RTN4RL1: variants seen among roughly 807,000 people sequenced by gnomAD.
RTN4RL1 encodes reticulon-4 receptor-like 1.
In RTN4RL1, 7 loss-of-function variants were observed where a neutral mutation model predicts 25.6. The ratio of observed to expected loss-of-function variants is 0.27; its 90% CI spans 0.16 to 0.51. The LOEUF (loss-of-function observed/expected upper bound fraction) is 0.51, where lower values mean the gene tolerates loss of function less well. Ranked by LOEUF, RTN4RL1 falls within the 20% of genes least tolerant of loss-of-function variation. RTN4RL1 has a pLI of 0.97. For missense variants in RTN4RL1, 500 were observed against 615.6 expected (o/e 0.81, Z 1.99); for synonymous variants, 297 against 288.2 (o/e 1.03, Z -0.31).
chr17:1,954,107 T>A (rs1915739182), intron 1 of RTN4RL1, among the ~76,000 whole-genome samples: 2 of 152,238 alleles, frequency 1.3e-5, no homozygotes, highest in African/African-American at 2.4e-5. Flanking sequence ...AAACTTCTTG[T>A]CATAGAACAT....
rs1434847531 is a variant in RTN4RL1, at chr17:1,937,592, G to C, written c.230C>G (p.Ala77Gly). The C allele has an allele frequency of 6.2e-7, 1 of 1,613,822 alleles. No homozygotes were observed. The highest frequency in any genetic ancestry group is 1.3e-5 in the African/African-American group (1 of 74,938). ...CGAGTAGATCCACAGGGTGACCATG[G>C]CGGGGCTGAAGTGGCCGGGCTGGAG... ...GLLQPGHFSPAMVTLWIYSNN... is the reference protein window; with the variant it reads ...GLLQPGHFSPGMVTLWIYSNN... The change falls in exon 2 of 2, where the codon GCC (alanine) becomes GGC (glycine). Residue 77 changes from alanine (A) to glycine (G), a missense_variant. Physicochemically the swap from Ala to Gly is moderately conservative, Grantham distance 60. Transcript: ENST00000331238.
chr17:1,965,114 C>CTT (rs538870581), intron 1 of RTN4RL1, among the ~76,000 whole-genome samples: 2,759 of 137,760 alleles, frequency 0.02, 37 homozygotes, highest in South Asian at 0.033. Context: ...TTCTTTCTTT[C>CTT]TTTTTTTTTT....
intron 1 of RTN4RL1, among the ~76,000 whole-genome samples, chr17:1,980,363 G>A (rs1159895930): frequency 6.6e-6 from 1 of 151,490 alleles, no homozygotes; most frequent in Non-Finnish European, 1.5e-5. Context: ...CAGCCCCCAT[G>A]CCTGGCCTGA....
At position 1,994,765 on chromosome 17, in the gene RTN4RL1, G is replaced by T. The variant is rs889880135; in HGVS notation, c.13+30088C>A. On this transcript the variant is annotated intron_variant, in intron 1 of 1. Transcript: ENST00000331238. This position sits in a 1 kb window ranked among gnomAD's most constrained non-coding sequence, Gnocchi z 4.3. ...AGGAAAGGGGATAATACACGCTTGC[G>T]TTGGGGGAAAGGTGGTTAAAAAGGA... 5.3e-5 allele frequency among the ~76,000 whole-genome samples: 8 copies of T among 152,124 alleles called. No homozygotes were observed. The South Asian group carries it at 1.4e-3, about 28-fold the overall frequency.
At chr17:2,011,451 G>T (rs2067048777) in intron 1 of RTN4RL1, among the ~76,000 whole-genome samples, 1 of 152,162 alleles carries the variant, frequency 6.6e-6, no homozygotes, top group African/African-American at 2.4e-5. Flanking sequence ...GGAAAGCCAG[G>T]AATTGGAGGC....
At chr17:1,952,343 T>A (rs147792660) in intron 1 of RTN4RL1, among the ~76,000 whole-genome samples, 1 of 145,422 alleles carries the variant, frequency 6.9e-6, no homozygotes, top group South Asian at 2.2e-4. Flanking sequence ...TTTTTTTTTT[T>A]TTTTTTTTTT....
At chr17:1,955,509 T>C (rs968681253) in intron 1 of RTN4RL1, among the ~76,000 whole-genome samples, 2 of 151,510 alleles carry the variant, frequency 1.3e-5, no homozygotes, top group African/African-American at 4.8e-5. Flanking sequence ...TTAACCATGA[T>C]CATGCCACTG....
chr17:2,016,831 G>A (rs910122672), intron 1 of RTN4RL1, among the ~76,000 whole-genome samples: 1 of 152,208 alleles, frequency 6.6e-6, no homozygotes, highest in Non-Finnish European at 1.5e-5. Context: ...CCCTGAGGCT[G>A]GCCAGCTGTA....
rs903577124 is a variant in RTN4RL1 at position 1,935,552 on chromosome 17, T to C, written c.*944A>G. ...AGGCCAGGTCCCTTGGAGACTATCG[T>C]TGCCAGTTTGGGATTCTAGACAAAA... On this transcript the variant is annotated 3_prime_UTR_variant, in exon 2 of 2. Transcript: ENST00000331238. 28 of 985,466 alleles carry C rather than the reference T, an allele frequency of 2.8e-5. No individual in the cohort carries two copies. The Admixed American group carries it at 1.2e-3, about 43-fold the overall frequency. 61.0% of individuals were successfully genotyped at this position (985,466 alleles called of 1,614,324 possible).
intron 1 of RTN4RL1, among the ~76,000 whole-genome samples, chr17:1,997,706 C>T (rs992199238): frequency 6.6e-6 from 1 of 152,182 alleles, no homozygotes; most frequent in Non-Finnish European, 1.5e-5. Flanking sequence ...CCCTCTAGGG[C>T]ACCCCTAGCT....
chr17:2,012,134 C>G (rs111883215), intron 1 of RTN4RL1, among the ~76,000 whole-genome samples: 1 of 152,362 alleles, frequency 6.6e-6, no homozygotes, highest in African/African-American at 2.4e-5. Context: ...CATTTCAGAT[C>G]TCTGAAGCCC....
In RTN4RL1 at chr17:1,940,394, G is replaced by A. The variant is rs62067547; in HGVS notation, c.14-2586C>T. Among the ~76,000 whole-genome samples the A allele has an allele frequency of 3.4e-3, 514 of 152,272 alleles. 3 individuals are homozygous for A. Among genetic ancestry groups the A allele is most frequent in the Non-Finnish European group, 5.6e-3 (378 of 68,016 alleles). ...TTCTGTCCCGCCCAGTGCACAGCCC[G>A]CAGGCTGGGCCGAGGCTGCTGCTGT... On this transcript the variant is annotated intron_variant, in intron 1 of 1. Transcript: ENST00000331238.
chr17:1,992,199 C>A (rs2066912104), intron 1 of RTN4RL1, among the ~76,000 whole-genome samples: 1 of 151,844 alleles, frequency 6.6e-6, no homozygotes. Flanking sequence ...CCCATCTCTA[C>A]TAAAAATACA....
At chr17:1,937,860 G>C (rs368705621) in intron 1 of RTN4RL1, 52 bp from the exon 2 acceptor site, 1 of 1,396,750 alleles carries the variant, frequency 7.2e-7, no homozygotes, top group East Asian at 2.3e-5. Context: ...GGTGAGGACT[G>C]GCACCGCACC....
intron 1 of RTN4RL1, among the ~76,000 whole-genome samples, chr17:1,999,731 C>A (rs1455726483): frequency 6.6e-6 from 1 of 152,052 alleles, no homozygotes; most frequent in Non-Finnish European, 1.5e-5. Context: ...CTGCAGGCGG[C>A]TGGGGAAGAG....
At chr17:1,973,365 TAAAA>T (rs35165215) in intron 1 of RTN4RL1, among the ~76,000 whole-genome samples, 2,221 of 124,778 alleles carry the variant, frequency 0.018, 22 homozygotes, top group Non-Finnish European at 0.028. Context: ...GACACTGTCT[TAAAA>T]AAAAAAAAAA....
At chr17:1,997,309 G>C (rs946297974) in intron 1 of RTN4RL1, among the ~76,000 whole-genome samples, 5 of 152,048 alleles carry the variant, frequency 3.3e-5, no homozygotes, top group African/African-American at 1.2e-4. Flanking sequence ...ACTTTGTCTG[G>C]GATGCTTTTT....
chr17:1,947,283 C>T (rs961495450), intron 1 of RTN4RL1, among the ~76,000 whole-genome samples: 1 of 152,196 alleles, frequency 6.6e-6, no homozygotes, highest in African/African-American at 2.4e-5. Flanking sequence ...GCTGAGTGCA[C>T]GTGCAAAGCC....
At chr17:1,963,492 G>T (rs931371754) in intron 1 of RTN4RL1, among the ~76,000 whole-genome samples, 1 of 152,224 alleles carries the variant, frequency 6.6e-6, no homozygotes, top group African/African-American at 2.4e-5. Flanking sequence ...TGCCTCTGCT[G>T]GATCCCTACT....
Sources: gnomAD v4.1 joint callset for allele counts (sites outside exome capture counted in the v4.1 genomes callset) on GRCh38, gnomAD v4.1.1 for gene constraint, Gnocchi (gnomAD v3.1) non-coding constraint, MANE v1.5 for transcripts, NCBI Gene and HGNC (gene_info 2026-07-23, HGNC 2026-07-21) for gene names.